Variants in CHRM3 observed in about 807,000 individuals in gnomAD.
CHRM3 encodes cholinergic receptor muscarinic 3.
In CHRM3, 11 loss-of-function variants were observed where a neutral mutation model predicts 41.8. The ratio of observed to expected loss-of-function variants is 0.26; its 90% CI spans 0.17 to 0.44. The LOEUF (loss-of-function observed/expected upper bound fraction) is 0.44. Among genes scored for constraint, CHRM3 ranks in the 20% least tolerant of loss-of-function variants. CHRM3 has a pLI of 1.00. For synonymous variants in CHRM3, 297 were observed against 301.4 expected, an observed-to-expected ratio of 0.99 and a Z score of 0.15; for missense variants, 571 against 745.4, an observed-to-expected ratio of 0.77 and a Z score of 2.72.
intron 5 of CHRM3, among the ~76,000 whole-genome samples, chr1:239,750,841 G>A (rs1455785324): frequency 1.3e-5 from 2 of 152,148 alleles, no homozygotes; most frequent in Non-Finnish European, 2.9e-5. Flanking sequence ...ATCATTCTTT[G>A]CTCAATTAAA....
chr1:239,672,623 C>CACAT (rs1553359852), intron 4 of CHRM3, among the ~76,000 whole-genome samples: 1 of 151,606 alleles, frequency 6.6e-6, no homozygotes, highest in East Asian at 1.9e-4. Context: ...CACACACACA[C>CACAT]ACACACAGAA....
intron 5 of CHRM3, among the ~76,000 whole-genome samples, chr1:239,791,385 G>A (rs559799123): frequency 3.9e-5 from 6 of 152,272 alleles, no homozygotes; most frequent in East Asian, 3.9e-4. Context: ...GACTACAGGC[G>A]TGAACCACCA....
intron 4 of CHRM3, among the ~76,000 whole-genome samples, chr1:239,647,607 T>A (rs1386840247): frequency 6.6e-6 from 1 of 152,192 alleles, no homozygotes; most frequent in African/African-American, 2.4e-5. Context: ...ATGACTCAAA[T>A]CTGTGCCTCC....
chr1:239,894,346 C>T (rs1241609279), intron 6 of CHRM3, among the ~76,000 whole-genome samples: 3 of 152,288 alleles, frequency 2.0e-5, no homozygotes, highest in Admixed American at 6.5e-5. Flanking sequence ...TTGTGGTGGC[C>T]GCCTTGCCGG....
intron 1 of CHRM3, among the ~76,000 whole-genome samples, chr1:239,451,330 T>C (rs1664540242): frequency 6.6e-6 from 1 of 152,244 alleles, no homozygotes; most frequent in African/African-American, 2.4e-5. Context: ...AACTTTTAAA[T>C]TTTATCAGAC....
chr1:239,480,440 C>A (rs1666757163), intron 1 of CHRM3, among the ~76,000 whole-genome samples: 1 of 151,846 alleles, frequency 6.6e-6, no homozygotes, highest in East Asian at 1.9e-4. Flanking sequence ...TTAATGAAGT[C>A]CTGGAAAAAT....
chr1:239,815,750 T>C (rs1315627409), intron 5 of CHRM3, among the ~76,000 whole-genome samples: 1 of 152,230 alleles, frequency 6.6e-6, no homozygotes, highest in Non-Finnish European at 1.5e-5. Context: ...GGGAGGAGGC[T>C]GAAGGCGTTC....
At chr1:239,552,634 T>TATTATC (rs1409193380) in intron 3 of CHRM3, among the ~76,000 whole-genome samples, 2 of 134,212 alleles carry the variant, frequency 1.5e-5, no homozygotes, top group Admixed American at 1.5e-4. Context: ...CTAATATTAT[T>TATTATC]ATTATTATTA....
chr1:239,753,657 G>C (rs1666014053), intron 5 of CHRM3, among the ~76,000 whole-genome samples: 1 of 152,164 alleles, frequency 6.6e-6, no homozygotes, highest in Non-Finnish European at 1.5e-5. Context: ...GGTGGAGACA[G>C]AGAGCCAAAC....
intron 1 of CHRM3, among the ~76,000 whole-genome samples, chr1:239,414,842 C>A (rs2103065632): frequency 6.6e-6 from 1 of 152,172 alleles, no homozygotes. Flanking sequence ...GTAAAAATAC[C>A]AATATTAGCA....
chr1:239,735,882 G>T (rs1026602683), intron 5 of CHRM3, among the ~76,000 whole-genome samples: 1 of 152,124 alleles, frequency 6.6e-6, no homozygotes, highest in African/African-American at 2.4e-5. Flanking sequence ...TTTCCTTGGG[G>T]ATACGTGGAT....
intron 1 of CHRM3, among the ~76,000 whole-genome samples, chr1:239,450,108 G>A (rs1465188146): frequency 5.3e-5 from 8 of 152,078 alleles, no homozygotes; most frequent in Non-Finnish European, 7.4e-5. Flanking sequence ...CCTCCTCCCC[G>A]TGAGAGTCTT....
intron 5 of CHRM3, among the ~76,000 whole-genome samples, chr1:239,754,491 C>G (rs943676711): frequency 1.3e-5 from 2 of 152,190 alleles, no homozygotes; most frequent in Non-Finnish European, 2.9e-5. Flanking sequence ...CTCCCAATGA[C>G]TGGGGACACT....
chr1:239,564,992 T>C (rs1416108453), intron 3 of CHRM3, among the ~76,000 whole-genome samples: 1 of 152,170 alleles, frequency 6.6e-6, no homozygotes, highest in African/African-American at 2.4e-5. Context: ...AATCCTTTCC[T>C]TGCCTCTTCC....
chr1:239,846,677 G>C (rs73129048), intron 6 of CHRM3, among the ~76,000 whole-genome samples: 1 of 152,144 alleles, frequency 6.6e-6, no homozygotes, highest in African/African-American at 2.4e-5. Flanking sequence ...ATTAAGAAAT[G>C]TTATACCCAC....
At chr1:239,717,463 A>T (rs1662494848) in intron 5 of CHRM3, among the ~76,000 whole-genome samples, 1 of 116,490 alleles carries the variant, frequency 8.6e-6, no homozygotes, top group Non-Finnish European at 2.0e-5. Context: ...GGAAAGACAC[A>T]CACGCACACA....
At chr1:239,455,010 ATGTATTTAC>A in intron 1 of CHRM3, among the ~76,000 whole-genome samples, 1 of 152,224 alleles carries the variant, frequency 6.6e-6, no homozygotes, top group African/African-American at 2.4e-5. Context: ...TTACTGACTT[ATGTATTTAC>A]TATACTATAT....
chr1:239,672,214 T>C (rs906655972), intron 4 of CHRM3, among the ~76,000 whole-genome samples: 38 of 152,078 alleles, frequency 2.5e-4, no homozygotes, highest in African/African-American at 8.9e-4. Context: ...GACTTGGCAA[T>C]GAGGACGGGA....
chr1:239,557,143 T>C (rs2148472160), intron 3 of CHRM3, among the ~76,000 whole-genome samples: 1 of 152,262 alleles, frequency 6.6e-6, no homozygotes, highest in East Asian at 1.9e-4. Flanking sequence ...GCCTGTGAAG[T>C]TGATCAAGGC....
Sources: allele counts gnomAD v4.1 joint callset (sites outside exome capture counted in the v4.1 genomes callset), GRCh38; gene constraint gnomAD v4.1.1; transcripts MANE v1.5; gene names NCBI Gene and HGNC (gene_info 2026-07-23, HGNC 2026-07-21).